The following CA5A variants were observed in gnomAD, a reference collection of about 807,000 sequenced individuals.
CA5A encodes carbonic anhydrase 5A.
A neutral mutation model predicts 37.1 loss-of-function variants in CA5A; 28 were observed. The ratio of observed to expected loss-of-function variants is 0.75; its 90% CI spans 0.56 to 1.03. The LOEUF (loss-of-function observed/expected upper bound fraction) is 1.03. CA5A is among the 50% of genes least tolerant of loss of function. The pLI is 0.00. For synonymous variants in CA5A, 171 were observed against 158.4 expected (o/e 1.08, Z -0.60); for missense variants, 444 against 399.9 (o/e 1.11, Z -0.94).
intron 5 of CA5A, among the ~76,000 whole-genome samples, chr16:87,899,455 A>AGTGTG: frequency 6.6e-6 from 1 of 150,758 alleles, no homozygotes; most frequent in Non-Finnish European, 1.5e-5. Context: ...GGCACCCGCC[A>AGTGTG]CCACGCCTGG....
chr16:87,907,526 G>C (rs1232999697), intron 2 of CA5A, among the ~76,000 whole-genome samples: 1 of 152,228 alleles, frequency 6.6e-6, no homozygotes, highest in Non-Finnish European at 1.5e-5. Context: ...ATGCCTAGAA[G>C]GCAGGGATGA....
At chr16:87,904,152 G>A (rs763941009) in intron 3 of CA5A, among the ~76,000 whole-genome samples, 1 of 151,980 alleles carries the variant, frequency 6.6e-6, no homozygotes, top group East Asian at 1.9e-4. Flanking sequence ...GACCAGCCTG[G>A]CCAACATGGC....
chr16:87,893,164 A>C, intron 5 of CA5A: 1 of 415,548 alleles, frequency 2.4e-6, no homozygotes. Context: ...TTTCAGACAG[A>C]GTCTCCAGGC....
At chr16:87,904,705 G>T in intron 3 of CA5A, 81 bp downstream of exon 3, 1 of 848,988 alleles carries the variant, frequency 1.2e-6, no homozygotes, top group Non-Finnish European at 2.0e-6. Flanking sequence ...TGAGCGGCGC[G>T]CATGGCTTGT....
At chr16:87,898,152 G>A (rs977377306) in intron 5 of CA5A, among the ~76,000 whole-genome samples, 15 of 152,208 alleles carry the variant, frequency 9.9e-5, no homozygotes, top group African/African-American at 3.6e-4. Flanking sequence ...CCACAGCAGG[G>A]CCCGGACCAG....
At chr16:87,900,764 G>A (rs2055867066) in intron 5 of CA5A, among the ~76,000 whole-genome samples, 2 of 152,216 alleles carry the variant, frequency 1.3e-5, no homozygotes, top group Non-Finnish European at 2.9e-5. Flanking sequence ...GGTCGGACAG[G>A]GACGTTCAAG....
In CA5A at chr16:87,891,943, C is replaced by T. The variant is rs1399915166; in HGVS notation, c.630G>A (p.Ala210=). The T allele has an allele frequency of 8.4e-6, 13 of 1,542,440 alleles. No homozygotes were observed. The highest frequency in any genetic ancestry group is 8.3e-5 in the Admixed American group (4 of 48,198). ...TGGAGGGGTCGAAGGGGCGCATGGC[C>T]GCCCGCGCGTCCTGAGAGACCGAGA... ...LPEIKHKDAR[A]AMRPFDPSTL... is the part of the protein sequence containing the mutation. Residue 210 remains alanine, a synonymous_variant, in exon 6 of 7, where the codon GCG becomes GCA. Transcript: ENST00000649794.
At chr16:87,930,020 G>C (rs899993111) in intron 1 of CA5A, among the ~76,000 whole-genome samples, 19 of 152,246 alleles carry the variant, frequency 1.2e-4, no homozygotes, top group African/African-American at 4.6e-4. Flanking sequence ...AGCCCTATGG[G>C]AGATAAAGGT....
At chr16:87,892,343 C>G (rs2143906192) in intron 5 of CA5A, 1 of 154,426 alleles carries the variant, frequency 6.5e-6, no homozygotes, top group Admixed American at 6.6e-5. Context: ...AACCCTGTCT[C>G]TACTAAAAAT....
intron 2 of CA5A, among the ~76,000 whole-genome samples, chr16:87,915,050 C>T (rs953128236): frequency 1.6e-4 from 24 of 152,378 alleles, no homozygotes; most frequent in African/African-American, 5.3e-4. Context: ...GAGCGTTTCA[C>T]GGACATGGCC....
At chr16:87,890,760 C>T (rs1342613592) in intron 6 of CA5A, among the ~76,000 whole-genome samples, 1 of 151,990 alleles carries the variant, frequency 6.6e-6, no homozygotes, top group African/African-American at 2.4e-5. Flanking sequence ...GGATTACAGG[C>T]AAACGCCACC....
At position 87,910,060 on chromosome 16, in the gene CA5A, C is replaced by T. The variant is rs1215879366; in HGVS notation, c.341-5156G>A. 2.6e-5 allele frequency among the ~76,000 whole-genome samples: 4 copies of T among 151,654 alleles called. No homozygotes were observed. In the East Asian group the frequency reaches 5.8e-4, roughly 22 times the overall value. On this transcript the variant is annotated intron_variant, in intron 2 of 6. Transcript: ENST00000649794. ...GGGAAATACGAAGTCCTTAGCACAA[C>T]GCTTGACGTAAAGGAAGCACTCTAA...
chr16:87,892,956 CT>C (rs71391362), intron 5 of CA5A: 13 of 963,652 alleles, frequency 1.3e-5, no homozygotes, highest in Middle Eastern at 3.2e-4. Flanking sequence ...CTATGGGCTC[CT>C]TTTTAAGGAG....
At chr16:87,903,695 T>C (rs2055914628) in intron 3 of CA5A, among the ~76,000 whole-genome samples, 1 of 152,200 alleles carries the variant, frequency 6.6e-6, no homozygotes, top group African/African-American at 2.4e-5. Context: ...TGGACTCTAG[T>C]TCCACATTAA....
At chr16:87,898,573 C>T (rs952709421) in intron 5 of CA5A, among the ~76,000 whole-genome samples, 5 of 152,158 alleles carry the variant, frequency 3.3e-5, no homozygotes, top group Admixed American at 2.0e-4. Flanking sequence ...GGTGGATTTT[C>T]GTTTCGTGAC....
At chr16:87,918,277 C>A (rs573122739) in intron 2 of CA5A, among the ~76,000 whole-genome samples, 1 of 152,230 alleles carries the variant, frequency 6.6e-6, no homozygotes, top group Non-Finnish European at 1.5e-5. Flanking sequence ...AGGGAATGAG[C>A]TGAGCTGTCT....
intron 1 of CA5A, 106 bp from the exon 2 acceptor site, chr16:87,927,051 C>T: frequency 3.8e-6 from 3 of 799,212 alleles, no homozygotes; most frequent in Admixed American, 2.5e-5. Context: ...CGTCCTGGCT[C>T]ATGGGAAACT....
intron 5 of CA5A, among the ~76,000 whole-genome samples, chr16:87,900,122 C>T (rs2055857677): frequency 6.6e-6 from 1 of 152,160 alleles, no homozygotes; most frequent in Middle Eastern, 3.4e-3. Flanking sequence ...CCAGAACCTT[C>T]CCCGGGAGGA....
Position 87,911,293 on chromosome 16 carries a change from C to T in CA5A, c.341-6389G>A, listed in dbSNP as rs1188567161. Reference sequence around the variant, plus strand: ...AGATATAATTGAACGATTGCCTCAGCGCGTGCCAGACTCTCCAAACATAAT... The same window carrying T: ...AGATATAATTGAACGATTGCCTCAGTGCGTGCCAGACTCTCCAAACATAAT... On this transcript the variant is annotated intron_variant, in intron 2 of 6. Transcript: ENST00000649794. This position sits in a 1 kb window ranked among gnomAD's most constrained non-coding sequence, Gnocchi z 4.6. 6.6e-6 allele frequency among the ~76,000 whole-genome samples: 1 copy of T among 152,056 alleles called. No individual in the cohort carries two copies. The highest frequency in any genetic ancestry group is 6.6e-5 in the Admixed American group (1 of 15,246).
Sources: allele counts gnomAD v4.1 joint callset (sites outside exome capture counted in the v4.1 genomes callset), GRCh38; gene constraint gnomAD v4.1.1; non-coding constraint Gnocchi (gnomAD v3.1); transcripts MANE v1.5; gene names NCBI Gene and HGNC (gene_info 2026-07-23, HGNC 2026-07-21).